Variants in FAM204A observed in about 807,000 individuals in gnomAD.
FAM204A encodes family with sequence similarity 204 member A.
Under a neutral mutation model 35.4 loss-of-function variants are expected in FAM204A, and 16 were observed. The ratio of observed to expected loss-of-function variants is 0.45; its 90% CI spans 0.31 to 0.69. The LOEUF is 0.69. FAM204A is among the 30% of genes least tolerant of loss of function. FAM204A has a pLI of 0.07. For missense variants in FAM204A, 240 were observed against 265.7 expected (o/e 0.90, Z 0.67); for synonymous variants, 76 against 86.9 (o/e 0.88, Z 0.70).
chr10:118,340,431 G>T (rs1377057017), intron 2 of FAM204A, among the ~76,000 whole-genome samples: 1 of 152,200 alleles, frequency 6.6e-6, no homozygotes, highest in Non-Finnish European at 1.5e-5. Flanking sequence ...TTGATCAAAT[G>T]ATCTCTGAGA....
intron 6 of FAM204A, among the ~76,000 whole-genome samples, chr10:118,333,192 G>A (rs1423168153): frequency 1.3e-5 from 2 of 152,168 alleles, no homozygotes; most frequent in African/African-American, 2.4e-5. Context: ...GGAAAAAAAA[G>A]ACTGCACGAT....
At chr10:118,327,605 C>T (rs528226828) in intron 6 of FAM204A, among the ~76,000 whole-genome samples, 2 of 152,304 alleles carry the variant, frequency 1.3e-5, no homozygotes, top group Non-Finnish European at 2.9e-5. Flanking sequence ...GAACTCTTCT[C>T]CTGATGGTCC....
At chr10:118,312,559 G>T (rs894171384) in intron 7 of FAM204A, among the ~76,000 whole-genome samples, 2 of 152,026 alleles carry the variant, frequency 1.3e-5, no homozygotes, top group Non-Finnish European at 2.9e-5. Context: ...TTATAAATGA[G>T]GGCAAAAATA....
At chr10:118,311,120 G>T in intron 8 of FAM204A, 87 bp downstream of exon 8, 1 of 1,265,390 alleles carries the variant, frequency 7.9e-7, no homozygotes. Flanking sequence ...TGAGTTAACA[G>T]TTATACACGA....
intron 7 of FAM204A, 41 bp from the exon 8 acceptor site, chr10:118,311,354 T>C: frequency 3.4e-6 from 5 of 1,451,472 alleles, no homozygotes; most frequent in Non-Finnish European, 4.7e-6. Context: ...AAAATAAATA[T>C]TCCAGCTAAT....
At chr10:118,332,583 C>T (rs536304856) in intron 6 of FAM204A, among the ~76,000 whole-genome samples, 9 of 151,946 alleles carry the variant, frequency 5.9e-5, no homozygotes, top group Middle Eastern at 6.8e-3. Flanking sequence ...CTCAAGGAAG[C>T]CAGCCTTTTA....
chr10:118,316,444 G>A (rs1370976829), intron 7 of FAM204A, among the ~76,000 whole-genome samples: 2 of 152,036 alleles, frequency 1.3e-5, no homozygotes, highest in African/African-American at 4.8e-5. Context: ...AATAAGCTAG[G>A]CCATATCCAG....
intron 6 of FAM204A, among the ~76,000 whole-genome samples, chr10:118,329,243 T>C (rs1846250519): frequency 6.6e-6 from 1 of 152,190 alleles, no homozygotes; most frequent in Non-Finnish European, 1.5e-5. Flanking sequence ...ATCCCTTATT[T>C]GGAATATTAT....
intron 6 of FAM204A, among the ~76,000 whole-genome samples, chr10:118,333,121 A>C (rs1340365867): frequency 1.3e-5 from 2 of 152,234 alleles, no homozygotes; most frequent in Non-Finnish European, 1.5e-5. Flanking sequence ...CAGTGCTGTA[A>C]ACAGACATTC....
At chr10:118,321,973 A>C (rs1018930915) in intron 7 of FAM204A, among the ~76,000 whole-genome samples, 1 of 152,106 alleles carries the variant, frequency 6.6e-6, no homozygotes, top group East Asian at 1.9e-4. Flanking sequence ...CCAAGTCCCA[A>C]TTGTCCAGAT....
chr10:118,320,230 A>C (rs1447674014), intron 7 of FAM204A, among the ~76,000 whole-genome samples: 1 of 151,302 alleles, frequency 6.6e-6, no homozygotes, highest in Non-Finnish European at 1.5e-5. Context: ...CCAAAAATTT[A>C]AGCACTCTAT....
chr10:118,309,323 C>T lies in FAM204A; in HGVS notation c.*1534G>A, dbSNP rs1474348467. On this transcript the variant is annotated 3_prime_UTR_variant, in exon 9 of 9. Coordinates refer to ENST00000369183, the MANE Select transcript of FAM204A (RefSeq NM_022063.3). ...AGCTAGGTATTCTCTTATTCCAGAA[C>T]ACAGAAAAAAAAAGCCATTAAATGT... The T allele has an allele frequency of 6.6e-6, 1 of 151,226 alleles. No homozygotes were observed. The highest frequency in any genetic ancestry group is 1.5e-5 in the Non-Finnish European group (1 of 67,782). 9.4% of individuals were successfully genotyped at this position (151,226 alleles called of 1,614,324 possible).
rs949033597 is a variant in FAM204A, at chr10:118,305,407, A to C, written c.*5450T>G. 6.6e-6 allele frequency: 1 copy of C among 152,202 alleles called. No homozygotes were observed. The allele number at this position is 152,202 out of a possible 1,614,324, so 9.4% of individuals were successfully genotyped here. On this transcript the variant is annotated 3_prime_UTR_variant, in exon 9 of 9. Coordinates refer to ENST00000369183, the MANE Select transcript of FAM204A (RefSeq NM_022063.3). ...ATGTGCAGAACAAACATTTGCATTCATTCCTGAGTCAAACCCCACCAATGC... is the reference window on the plus strand; with the variant it reads ...ATGTGCAGAACAAACATTTGCATTCCTTCCTGAGTCAAACCCCACCAATGC...
intron 7 of FAM204A, among the ~76,000 whole-genome samples, chr10:118,323,449 T>G (rs1317847228): frequency 6.6e-6 from 1 of 152,124 alleles, no homozygotes; most frequent in Non-Finnish European, 1.5e-5. Flanking sequence ...GTAATGCACT[T>G]AAGTATCAGT....
rs1331967086 is a variant in FAM204A, at chr10:118,298,752, T to A, written c.*12105A>T. ...AGTGATGAAATGTCTGGGGAAGAGG[T>A]TTCAGTCAACTGTCACTATCTTCGG... On this transcript the variant is annotated 3_prime_UTR_variant, in exon 9 of 9. Coordinates refer to ENST00000369183, the MANE Select transcript of FAM204A (RefSeq NM_022063.3). 1 of 152,184 alleles carries A rather than the reference T, an allele frequency of 6.6e-6. No homozygotes were observed. Among genetic ancestry groups the A allele is most frequent in the Non-Finnish European group, 1.5e-5 (1 of 68,042 alleles). 9.4% of individuals were successfully genotyped at this position (152,184 alleles called of 1,614,324 possible).
rs1490814495 is a variant in FAM204A, at chr10:118,303,053, G to C, written c.*7804C>G. 1 of 152,244 alleles carries C rather than the reference G, an allele frequency of 6.6e-6. No homozygotes were observed. The highest frequency in any genetic ancestry group is 1.9e-4 in the East Asian group (1 of 5,190). The allele number at this position is 152,244 out of a possible 1,614,324, so 9.4% of individuals were successfully genotyped here. A position where few individuals can be genotyped will look rare whatever the true frequency, so the allele number is the denominator to read the frequency against. ...TCAAGAACCACTGGAATGGGGTAGG[G>C]AAGAGGCAAAGGCCTGGCCTGCGTT... is the stretch of plus-strand genomic sequence containing the variant. On this transcript the variant is annotated 3_prime_UTR_variant, in exon 9 of 9. Coordinates refer to ENST00000369183, the MANE Select transcript of FAM204A (RefSeq NM_022063.3).
Position 118,307,009 on chromosome 10 carries a change from C to T in FAM204A, c.*3848G>A, listed in dbSNP as rs1314849679. On this transcript the variant is annotated 3_prime_UTR_variant, in exon 9 of 9. Coordinates refer to ENST00000369183, the MANE Select transcript of FAM204A (RefSeq NM_022063.3). Reference sequence around the variant, plus strand: ...CCAACCTCAAAAATGAAAAATGGACCTTATTGTCTCAGTATCCTACAAAGG... The same window carrying T: ...CCAACCTCAAAAATGAAAAATGGACTTTATTGTCTCAGTATCCTACAAAGG... 1.3e-5 allele frequency: 2 copies of T among 152,080 alleles called. No homozygotes were observed. Among genetic ancestry groups the T allele is most frequent in the African/African-American group, 4.8e-5 (2 of 41,400 alleles). 9.4% of individuals were successfully genotyped at this position (152,080 alleles called of 1,614,324 possible).
rs1268463427 is a variant in FAM204A, at chr10:118,306,229, G to C, written c.*4628C>G. 1 of 152,310 alleles carries C rather than the reference G, an allele frequency of 6.6e-6. No individual in the cohort carries two copies. The highest frequency in any genetic ancestry group is 1.5e-5 in the Non-Finnish European group (1 of 68,134). The allele number at this position is 152,310 out of a possible 1,614,324, so 9.4% of individuals were successfully genotyped here. On this transcript the variant is annotated 3_prime_UTR_variant, in exon 9 of 9. Coordinates refer to ENST00000369183, the MANE Select transcript of FAM204A (RefSeq NM_022063.3). Reference sequence around the variant, plus strand: ...GCGAGAGGCAGCCCAGGGTCCAGGAGGGGGTGTGGGCTGGAGCTGCCAGGA... The same window carrying C: ...GCGAGAGGCAGCCCAGGGTCCAGGACGGGGTGTGGGCTGGAGCTGCCAGGA...
Position 118,307,687 on chromosome 10 carries a change from T to G in FAM204A, c.*3170A>C, listed in dbSNP as rs2119780844. ...AAATTTGGACATTTTATAAATTATA[T>G]CTTCATTTTTTGTGAATTAAATTCA... On this transcript the variant is annotated 3_prime_UTR_variant, in exon 9 of 9. Coordinates refer to ENST00000369183, the MANE Select transcript of FAM204A (RefSeq NM_022063.3). The G allele has an allele frequency of 6.6e-6, 1 of 152,336 alleles. No homozygotes were observed. Among genetic ancestry groups the G allele is most frequent in the South Asian group, 2.1e-4 (1 of 4,830 alleles). The allele number at this position is 152,336 out of a possible 1,614,324, so 9.4% of individuals were successfully genotyped here. A position where few individuals can be genotyped will look rare whatever the true frequency, so the allele number is the denominator to read the frequency against.
Sources: allele counts gnomAD v4.1 joint callset (sites outside exome capture counted in the v4.1 genomes callset), GRCh38; gene constraint gnomAD v4.1.1; transcripts MANE v1.5; gene names NCBI Gene and HGNC (gene_info 2026-07-23, HGNC 2026-07-21).